MCPH1: variants seen among roughly 807,000 people sequenced by gnomAD.
MCPH1 encodes microcephalin.
MCPH1 carries 104 observed loss-of-function variants against 84.5 expected under a neutral mutation model. That is an observed-to-expected ratio of 1.23 (90% CI 1.05 to 1.45). The LOEUF is 1.45. Ranked by LOEUF, MCPH1 falls within the 40% of genes most tolerant of loss-of-function variation. The probability of loss-of-function intolerance (pLI) is 0.00; values close to 1 mark genes in which losing one functional copy is unlikely to be tolerated. For synonymous variants in MCPH1, 514 were observed against 366.8 expected (o/e 1.40, Z -4.58); for missense variants, 1,498 against 1,005.7 (o/e 1.49, Z -6.62).
At chr8:6,492,065 A>G (rs1238224002) in intron 11 of MCPH1, among the ~76,000 whole-genome samples, 4 of 152,182 alleles carry the variant, frequency 2.6e-5, no homozygotes, top group African/African-American at 7.2e-5. Context: ...GACTTCCACA[A>G]TGGTTGAACT....
chr8:6,441,398 C>CTT (rs11380830), intron 6 of MCPH1, among the ~76,000 whole-genome samples: 19 of 152,082 alleles, frequency 1.2e-4, no homozygotes, highest in East Asian at 3.9e-4. Flanking sequence ...GGTTTATTCT[C>CTT]TTTTTTTGCT....
At chr8:6,626,511 T>C (rs1832096726) in intron 13 of MCPH1, 9 of 945,892 alleles carry the variant, frequency 9.5e-6, no homozygotes, top group Non-Finnish European at 1.1e-5. Flanking sequence ...GAGAGCACAC[T>C]TGTGGGTGGT....
chr8:6,549,051 C>A (rs2515493), intron 12 of MCPH1, among the ~76,000 whole-genome samples: 120,911 of 152,142 alleles, frequency 0.79, 48,700 homozygotes, highest in East Asian at 0.86. Flanking sequence ...GTATTTTCTG[C>A]AGAGTGGATT....
At chr8:6,491,222 A>T (rs891698380) in intron 11 of MCPH1, among the ~76,000 whole-genome samples, 51 of 151,488 alleles carry the variant, frequency 3.4e-4, no homozygotes, top group African/African-American at 1.2e-3. Flanking sequence ...AGACAATTTA[A>T]TTTTTTTGCC....
At chr8:6,602,819 G>T (rs2922839) in intron 12 of MCPH1, among the ~76,000 whole-genome samples, 6,087 of 151,888 alleles carry the variant, frequency 0.04, 421 homozygotes, top group African/African-American at 0.14. Context: ...ATATTTGCTT[G>T]GTGTTTTCAG....
chr8:6,600,937 T>C (rs1033365547), intron 12 of MCPH1, among the ~76,000 whole-genome samples: 2 of 152,128 alleles, frequency 1.3e-5, no homozygotes, highest in African/African-American at 4.8e-5. Context: ...CCATGCACCG[T>C]TCAGAATCGC....
In MCPH1 at chr8:6,465,935, CCATCCATCCATG is replaced by C. The variant is rs755469161; in HGVS notation, c.1935+10695_1935+10706del. On this transcript the variant is annotated intron_variant, in intron 9 of 13. Transcript: ENST00000344683. ...CAATTTTATCTATCGATCCATCCAT[CCATCCATCCATG>C]CATCCATCCATCCATCCATCCATCC... Among the ~76,000 whole-genome samples the C allele has an allele frequency of 8.4e-3, 959 of 114,670 alleles. 4 individuals are homozygous for C. The highest frequency in any genetic ancestry group is 0.011 in the African/African-American group (341 of 31,252). The allele number at this position is 114,670 out of a possible 152,430, so 75.2% of individuals were successfully genotyped here.
At chr8:6,441,657 A>G (rs1470208390) in intron 6 of MCPH1, among the ~76,000 whole-genome samples, 1 of 152,168 alleles carries the variant, frequency 6.6e-6, no homozygotes, top group Non-Finnish European at 1.5e-5. Flanking sequence ...TGTGGTAGGA[A>G]GCTCAGCAGC....
At chr8:6,617,917 ATCTATCTATCTATCTATCTATCTATCTT>A (rs1831004700) in intron 12 of MCPH1, among the ~76,000 whole-genome samples, 1 of 151,056 alleles carries the variant, frequency 6.6e-6, no homozygotes, top group Non-Finnish European at 1.5e-5. Context: ...CTATCTATCT[ATCTATCTATCTATCTATCTATCTATCTT>A]TCTATCTATC....
intron 5 of MCPH1, among the ~76,000 whole-genome samples, chr8:6,437,234 T>C (rs1802784602): frequency 6.6e-6 from 1 of 152,072 alleles, no homozygotes; most frequent in Non-Finnish European, 1.5e-5. Flanking sequence ...TCGAGATTTA[T>C]TTTATTTATT....
At chr8:6,416,743 C>A (rs921826927) in intron 3 of MCPH1, among the ~76,000 whole-genome samples, 3 of 152,028 alleles carry the variant, frequency 2.0e-5, no homozygotes, top group Admixed American at 6.6e-5. Flanking sequence ...CCTGTAATTC[C>A]AGCACTTTGG....
In MCPH1 at chr8:6,444,835, C is replaced by T. The variant is rs587783732; in HGVS notation, c.1113C>T (p.Cys371=). The T allele has an allele frequency of 1.8e-5, 29 of 1,614,116 alleles. No individual in the cohort carries two copies. In the South Asian group the frequency reaches 3.2e-4, roughly 18 times the overall value. ...HGSHSPPKEK[C]KRKRSTRRSI... is the part of the protein sequence containing the mutation. ...CCCATTCACCTCCGAAGGAAAAATG[C>T]AAGAGAAAGAGGAGCACCAGGAGAT... The change falls in exon 8 of 14, where the codon TGC becomes TGT. Residue 371 remains cysteine (C), a synonymous_variant. Transcript: ENST00000344683.
intron 13 of MCPH1, among the ~76,000 whole-genome samples, chr8:6,639,432 G>A (rs1232139640): frequency 6.6e-6 from 1 of 152,200 alleles, no homozygotes; most frequent in Non-Finnish European, 1.5e-5. Context: ...AAGCCAAGGT[G>A]AGTGGACTGC....
At chr8:6,622,755 G>A (rs765355203) in intron 13 of MCPH1, among the ~76,000 whole-genome samples, 4 of 152,118 alleles carry the variant, frequency 2.6e-5, no homozygotes, top group Non-Finnish European at 5.9e-5. Context: ...CACATCCCTG[G>A]TATCTCTGTG....
At chr8:6,527,632 G>A in intron 12 of MCPH1, 2 of 1,613,980 alleles carry the variant, frequency 1.2e-6, no homozygotes, top group Non-Finnish European at 1.7e-6. Flanking sequence ...TCGAGAGGGA[G>A]TGTTCCAAGA....
intron 12 of MCPH1, chr8:6,501,381 C>G (rs1434384512): frequency 6.6e-6 from 1 of 152,074 alleles, no homozygotes; most frequent in East Asian, 1.9e-4. Context: ...AACTTCCTTG[C>G]AAATGATTCA....
At chr8:6,509,167 T>A in intron 12 of MCPH1, 1 of 1,421,128 alleles carries the variant, frequency 7.0e-7, no homozygotes. Flanking sequence ...GCGTGTTCTG[T>A]ACTCGTTAAT....
At chr8:6,588,327 A>G (rs141455055) in intron 12 of MCPH1, among the ~76,000 whole-genome samples, 1 of 144,588 alleles carries the variant, frequency 6.9e-6, no homozygotes, top group East Asian at 2.0e-4. Flanking sequence ...CAAGAACTAT[A>G]CATTCACTTA....
chr8:6,516,313 A>C (rs150929433), intron 12 of MCPH1, among the ~76,000 whole-genome samples: 3 of 152,292 alleles, frequency 2.0e-5, no homozygotes, highest in Non-Finnish European at 2.9e-5. Flanking sequence ...TCTCACAGCA[A>C]CTCTGCTGTA....
Sources: allele counts gnomAD v4.1 joint callset (sites outside exome capture counted in the v4.1 genomes callset), GRCh38; gene constraint gnomAD v4.1.1; transcripts MANE v1.5; gene names NCBI Gene and HGNC (gene_info 2026-07-23, HGNC 2026-07-21).